PCCA: variants seen among roughly 807,000 people sequenced by gnomAD.
PCCA encodes the protein propionyl-CoA carboxylase subunit alpha.
In PCCA, 74 loss-of-function variants were observed where a neutral mutation model predicts 101.3. That is an observed-to-expected ratio of 0.73 (90% CI 0.61 to 0.89). The LOEUF (loss-of-function observed/expected upper bound fraction) is 0.89, where lower values mean the gene tolerates loss of function less well. PCCA is among the 40% of genes least tolerant of loss of function. The pLI is 0.00. For synonymous variants in PCCA, 294 were observed against 313.6 expected (o/e 0.94, Z 0.66); for missense variants, 891 against 907.0 (o/e 0.98, Z 0.23).
intron 9 of PCCA, among the ~76,000 whole-genome samples, 198 bp downstream of exon 9, chr13:100,257,871 T>C (rs574213223): frequency 6.6e-6 from 1 of 152,218 alleles, no homozygotes; most frequent in Non-Finnish European, 1.5e-5. Flanking sequence ...TATCTTATTA[T>C]AGAAAGGGTT....
intron 18 of PCCA, among the ~76,000 whole-genome samples, chr13:100,360,171 C>T (rs2074412729): frequency 6.6e-6 from 1 of 151,980 alleles, no homozygotes; most frequent in African/African-American, 2.4e-5. Flanking sequence ...AGGGAAACCC[C>T]CCCCTTTTTT....
chr13:100,271,679 T>C (rs992743985), intron 11 of PCCA, among the ~76,000 whole-genome samples: 3 of 152,220 alleles, frequency 2.0e-5, no homozygotes, highest in African/African-American at 7.2e-5. Context: ...ATTTATGAGA[T>C]AGAGAAATTT....
chr13:100,090,420 T>C (rs2046172180), intron 1 of PCCA, among the ~76,000 whole-genome samples: 1 of 152,232 alleles, frequency 6.6e-6, no homozygotes, highest in Non-Finnish European at 1.5e-5. Context: ...TGCATTTACA[T>C]AGGAGGCAAG....
chr13:100,175,504 A>G (rs913477224), intron 6 of PCCA, among the ~76,000 whole-genome samples: 11 of 152,170 alleles, frequency 7.2e-5, no homozygotes, highest in African/African-American at 2.7e-4. Context: ...TTGATGTTGA[A>G]TTGTGGCTTT....
intron 1 of PCCA, among the ~76,000 whole-genome samples, chr13:100,090,400 G>GT (rs1394986236): frequency 6.6e-6 from 1 of 152,196 alleles, no homozygotes; most frequent in Non-Finnish European, 1.5e-5. Context: ...AATTGCAGCT[G>GT]TAAGACTTAT....
At chr13:100,257,513 A>G (rs2062153675) in intron 8 of PCCA, 82 bp from the exon 9 acceptor site, 1 of 949,316 alleles carries the variant, frequency 1.1e-6, no homozygotes, top group East Asian at 2.5e-5. Flanking sequence ...TTTCTGCGTT[A>G]TTGAACATGT....
At chr13:100,258,976 T>G (rs1489057216) in intron 9 of PCCA, among the ~76,000 whole-genome samples, 1 of 152,228 alleles carries the variant, frequency 6.6e-6, no homozygotes, top group African/African-American at 2.4e-5. Context: ...AGTTGCTCTA[T>G]GTCCCTTATT....
At chr13:100,472,050 G>A (rs2083057630) in intron 21 of PCCA, among the ~76,000 whole-genome samples, 1 of 152,134 alleles carries the variant, frequency 6.6e-6, no homozygotes, top group Admixed American at 6.5e-5. Context: ...GCAGATTGTG[G>A]TTCTCCCTTC....
chr13:100,436,877 C>G, intron 20 of PCCA, among the ~76,000 whole-genome samples: 1 of 152,186 alleles, frequency 6.6e-6, no homozygotes, highest in East Asian at 1.9e-4. Context: ...AATCCATACT[C>G]CATTAGTGTG....
At chr13:100,527,184 G>T in intron 22 of PCCA, 1 of 415,622 alleles carries the variant, frequency 2.4e-6, no homozygotes, top group Non-Finnish European at 4.9e-6. Context: ...GGTGGTTTCA[G>T]TCAATTCAGA....
intron 20 of PCCA, 79 bp downstream of exon 20, chr13:100,425,810 A>C (rs1413064705): frequency 1.5e-5 from 13 of 886,634 alleles, no homozygotes; most frequent in South Asian, 8.2e-5. Flanking sequence ...TAATACTTAG[A>C]GCTATAGGAG....
intron 19 of PCCA, among the ~76,000 whole-genome samples, chr13:100,372,462 G>A (rs2075634230): frequency 6.6e-6 from 1 of 152,142 alleles, no homozygotes; most frequent in African/African-American, 2.4e-5. Flanking sequence ...CAAAAGCACA[G>A]GCACAAAAGA....
intron 2 of PCCA, among the ~76,000 whole-genome samples, chr13:100,103,932 G>A (rs775716161): frequency 3.7e-4 from 57 of 152,176 alleles, no homozygotes; most frequent in Admixed American, 1.1e-3. Context: ...CACTGTGCCC[G>A]GCCTATATGA....
intron 4 of PCCA, among the ~76,000 whole-genome samples, chr13:100,144,450 G>A (rs760376152): frequency 6.6e-6 from 1 of 152,250 alleles, no homozygotes; most frequent in African/African-American, 2.4e-5. Flanking sequence ...AGGAATGGCT[G>A]TAGTAATTTA....
At chr13:100,517,867 T>C (rs577817390) in intron 22 of PCCA, among the ~76,000 whole-genome samples, 3 of 152,328 alleles carry the variant, frequency 2.0e-5, no homozygotes, top group Admixed American at 1.3e-4. Context: ...GCGCAACTTC[T>C]ATAGTTAAAT....
At chr13:100,390,729 A>G (rs1180109155) in intron 19 of PCCA, among the ~76,000 whole-genome samples, 1 of 152,238 alleles carries the variant, frequency 6.6e-6, no homozygotes, top group Non-Finnish European at 1.5e-5. Flanking sequence ...AAAAAAAACA[A>G]CTAAGGCTGA....
intron 4 of PCCA, among the ~76,000 whole-genome samples, chr13:100,139,099 T>A (rs2051552188): frequency 6.6e-6 from 1 of 152,168 alleles, no homozygotes; most frequent in South Asian, 2.1e-4. Flanking sequence ...GCTTCTGATG[T>A]GAAATCCATA....
intron 4 of PCCA, among the ~76,000 whole-genome samples, chr13:100,145,820 C>G (rs1474954886): frequency 1.3e-5 from 2 of 150,484 alleles, no homozygotes; most frequent in African/African-American, 4.9e-5. Flanking sequence ...CAAGATTGCA[C>G]CATTGCACTC....
chr13:100,524,630 G>T, intron 22 of PCCA, among the ~76,000 whole-genome samples: 1 of 152,174 alleles, frequency 6.6e-6, no homozygotes, highest in East Asian at 1.9e-4. Context: ...CCAGCACTTT[G>T]GGAGGCCAAG....
Sources: allele counts gnomAD v4.1 joint callset (sites outside exome capture counted in the v4.1 genomes callset), GRCh38; gene constraint gnomAD v4.1.1; transcripts MANE v1.5; gene names NCBI Gene and HGNC (gene_info 2026-07-23, HGNC 2026-07-21).